Variants in ZFR2 observed in about 807,000 individuals in gnomAD.
The protein encoded by ZFR2 is zinc finger RNA binding protein 2, also known as zinc finger RNA-binding protein 2.
ZFR2 carries 104 observed loss-of-function variants against 105.7 expected under a neutral mutation model. The observed-to-expected ratio is 0.98, with a 90% CI of 0.84 to 1.16. The LOEUF (loss-of-function observed/expected upper bound fraction) is 1.16. Ranked by LOEUF, ZFR2 falls within the 50% of genes most tolerant of loss-of-function variation. ZFR2 has a pLI of 0.00. For synonymous variants in ZFR2, 634 were observed against 597.7 expected, an observed-to-expected ratio of 1.06 and a Z score of -0.89; for missense variants, 1,425 against 1,355.5, an observed-to-expected ratio of 1.05 and a Z score of -0.80.
At chr19:3,808,251 ATG>A (rs1028866786) in intron 17 of ZFR2, among the ~76,000 whole-genome samples, 5 of 151,884 alleles carry the variant, frequency 3.3e-5, no homozygotes, top group Admixed American at 6.6e-5. Flanking sequence ...GTGTGCAAGT[ATG>A]TGCGTGTGTG....
rs1248629330 is a variant in ZFR2, at chr19:3,834,521, C to T, written c.264+252G>A. Among the ~76,000 whole-genome samples, 1 of 152,158 alleles carries T rather than the reference C, an allele frequency of 6.6e-6. No homozygotes were observed. The highest frequency in any genetic ancestry group is 2.1e-4 in the South Asian group (1 of 4,826). ...GAAGCTGGGACAAAGCTCTGTGCGC[C>T]GTCACTGTCCCCACTGCCCCGACGT... On this transcript the variant is annotated intron_variant, in intron 2 of 18. Transcript: ENST00000262961. The surrounding 1 kb of genome is among the most constrained non-coding windows in gnomAD (Gnocchi z 5.3).
In ZFR2 at chr19:3,805,361, T is replaced by TA. The variant is rs2037685011; in HGVS notation, c.*587dup. 6.6e-6 allele frequency: 1 copy of TA among 152,326 alleles called. No homozygotes were observed. The highest frequency in any genetic ancestry group is 1.9e-4 in the East Asian group (1 of 5,176). 9.4% of individuals were successfully genotyped at this position (152,326 alleles called of 1,614,324 possible). On this transcript the variant is annotated 3_prime_UTR_variant, in exon 19 of 19. Coordinates refer to ENST00000262961, the MANE Select transcript of ZFR2 (RefSeq NM_015174.2). ...TCTGTAACAATTTAAGCACAAATGT[T>TA]AAAAAACATTTCTTTTAAGTGACAA...
At chr19:3,811,697 C>T (rs1163961996) in intron 14 of ZFR2, among the ~76,000 whole-genome samples, 3 of 152,092 alleles carry the variant, frequency 2.0e-5, no homozygotes, top group South Asian at 2.1e-4. Flanking sequence ...TCAGGTGATC[C>T]TCCCACCTCA....
intron 1 of ZFR2, among the ~76,000 whole-genome samples, chr19:3,851,391 AG>A (rs2038236400): frequency 6.6e-6 from 1 of 152,364 alleles, no homozygotes; most frequent in African/African-American, 2.4e-5. Context: ...TGACTCAGGA[AG>A]GGAACACTTG....
intron 1 of ZFR2, among the ~76,000 whole-genome samples, chr19:3,837,736 G>A (rs1403578001): frequency 6.6e-6 from 1 of 150,724 alleles, no homozygotes; most frequent in Non-Finnish European, 1.5e-5. Flanking sequence ...TGAATGCTGT[G>A]ACTGTGGAAC....
In ZFR2 at chr19:3,868,980, C is replaced by T. The variant is rs775139729; in HGVS notation, c.38G>A (p.Gly13Asp). 4 of 1,367,542 alleles carry T rather than the reference C, an allele frequency of 2.9e-6. No individual in the cohort carries two copies. In the South Asian group the frequency reaches 7.2e-5, roughly 25 times the overall value. 84.7% of individuals were successfully genotyped at this position (1,367,542 alleles called of 1,614,324 possible). A position where few individuals can be genotyped will look rare whatever the true frequency, so the allele number is the denominator to read the frequency against. Residue 13 changes from glycine (G) to aspartate (D), a missense_variant, in exon 1 of 19, where the codon GGC (glycine) becomes GAC (aspartate). Coordinates refer to ENST00000262961, the MANE Select transcript of ZFR2 (RefSeq NM_015174.2). The part of the protein sequence containing the change: ...TSQYFDFAQG[G>D]GPQYSAQPPT... The stretch of plus-strand genomic sequence containing the variant: ...GGGCAGTTACCTGTACTGCGGGCCG[C>T]CGCCCTGCGCGAAGTCGAAATACTG...
At chr19:3,841,068 G>A (rs536565580) in intron 1 of ZFR2, among the ~76,000 whole-genome samples, 20 of 151,926 alleles carry the variant, frequency 1.3e-4, no homozygotes, top group Non-Finnish European at 2.2e-4. Context: ...TTCAGGGCCC[G>A]GGAGACCCAG....
chr19:3,811,196 C>T (rs1439655281), intron 15 of ZFR2, 76 bp downstream of exon 15: 10 of 1,394,532 alleles, frequency 7.2e-6, no homozygotes, highest in East Asian at 5.2e-5. Flanking sequence ...GCGGCCGCGC[C>T]GGGTTGACCT....
chr19:3,820,955 C>T (rs1490538290), intron 10 of ZFR2, among the ~76,000 whole-genome samples: 1 of 78,274 alleles, frequency 1.3e-5, no homozygotes, highest in African/African-American at 5.6e-5. Flanking sequence ...CACTAGAGGT[C>T]GGTGGACACA....
intron 1 of ZFR2, among the ~76,000 whole-genome samples, chr19:3,850,727 AACAACAAC>A (rs2038229067): frequency 1.4e-4 from 1 of 7,112 alleles, no homozygotes; most frequent in Non-Finnish European, 2.2e-4. Flanking sequence ...ACAGAAAAAC[AACAACAAC>A]AACAACAACA....
chr19:3,843,197 G>C (rs866806731), intron 1 of ZFR2, among the ~76,000 whole-genome samples: 3 of 152,192 alleles, frequency 2.0e-5, no homozygotes, highest in African/African-American at 7.2e-5. Context: ...TGGGCTGGGC[G>C]CGGTGGCTCA....
chr19:3,831,468 G>C lies in ZFR2; in HGVS notation c.687C>G (p.Pro229=), dbSNP rs1210386424. 1 of 1,550,286 alleles carries C rather than the reference G, an allele frequency of 6.5e-7. No individual in the cohort carries two copies. Among genetic ancestry groups the C allele is most frequent in the East Asian group, 2.4e-5 (1 of 41,100 alleles). ...CGGGCGGCGGGGGCAGCTGCTGCGG[G>C]GGTCCCGGGGGAGGCGGGGGCTGCG... ...PPAQPPPPPG[P]PQQLPPPPAP... The change falls in exon 5 of 19, where the codon CCC becomes CCG. Residue 229 remains proline, a synonymous_variant. Coordinates refer to ENST00000262961, the MANE Select transcript of ZFR2 (RefSeq NM_015174.2).
intron 1 of ZFR2, among the ~76,000 whole-genome samples, chr19:3,863,756 C>T (rs1051184713): frequency 1.3e-5 from 2 of 152,198 alleles, no homozygotes; most frequent in African/African-American, 4.8e-5. Context: ...TTCCACACCA[C>T]GGCTGCCTCT....
rs1568426127 is a variant in ZFR2 at position 3,834,230 on chromosome 19, G to A, written c.265-452C>T. On this transcript the variant is annotated intron_variant, in intron 2 of 18. Coordinates refer to ENST00000262961, the MANE Select transcript of ZFR2 (RefSeq NM_015174.2). This position sits in a 1 kb window ranked among gnomAD's most constrained non-coding sequence, Gnocchi z 5.3. ...TGGCAGAGCTGGGAAATTGGAGCAT[G>A]GTCACGGGGGACATCTTTGCGACAC... Among the ~76,000 whole-genome samples the A allele has an allele frequency of 6.6e-6, 1 of 152,150 alleles. No individual in the cohort carries two copies. Among genetic ancestry groups the A allele is most frequent in the Non-Finnish European group, 1.5e-5 (1 of 68,032 alleles).
chr19:3,859,559 G>C (rs531650214), intron 1 of ZFR2, among the ~76,000 whole-genome samples: 28 of 152,340 alleles, frequency 1.8e-4, no homozygotes, highest in African/African-American at 6.7e-4. Context: ...GAGAACACCT[G>C]CACTCCCGCG....
Position 3,831,866 on chromosome 19 carries a change from G to C in ZFR2, c.392C>G (p.Ala131Gly), listed in dbSNP as rs200241803. The change falls in exon 4 of 19, where the codon GCC becomes GGC. Residue 131 changes from alanine to glycine, a missense_variant. Coordinates refer to ENST00000262961, the MANE Select transcript of ZFR2 (RefSeq NM_015174.2). ...GCCATGGGGGCTGGGCTGCCCGCAG[G>C]CTTCTTGGGTCCCTAGGGGACAGGG... ...ADSGQPGTQE[A>G]CGQPSPHGSH... 247 of 1,581,190 alleles carry C rather than the reference G, an allele frequency of 1.6e-4. No homozygotes were observed. Among genetic ancestry groups the C allele is most frequent in the Non-Finnish European group, 1.7e-4 (197 of 1,167,540 alleles).
intron 7 of ZFR2, among the ~76,000 whole-genome samples, chr19:3,824,945 A>C (rs1393963173): frequency 1.3e-5 from 2 of 152,144 alleles, no homozygotes; most frequent in Non-Finnish European, 2.9e-5. Context: ...TCAAACCAAA[A>C]CAAAACAAAA....
chr19:3,850,773 C>A (rs796741879), intron 1 of ZFR2, among the ~76,000 whole-genome samples: 5 of 151,786 alleles, frequency 3.3e-5, no homozygotes, highest in African/African-American at 1.2e-4. Flanking sequence ...CACAAAAAAA[C>A]CACACTTTGC....
intron 1 of ZFR2, among the ~76,000 whole-genome samples, chr19:3,860,742 C>T (rs934694041): frequency 3.3e-5 from 5 of 152,308 alleles, no homozygotes; most frequent in East Asian, 1.9e-4. Flanking sequence ...CGGCTCACTA[C>T]GGCAACACCT....
Sources: gnomAD v4.1 joint callset for allele counts (sites outside exome capture counted in the v4.1 genomes callset) on GRCh38, gnomAD v4.1.1 for gene constraint, Gnocchi (gnomAD v3.1) non-coding constraint, MANE v1.5 for transcripts, NCBI Gene and HGNC (gene_info 2026-07-23, HGNC 2026-07-21) for gene names.